The following MAP7D2 variants were observed in gnomAD, a reference collection of about 807,000 sequenced individuals.
MAP7D2 encodes the protein MAP7 domain-containing protein 2.
A neutral mutation model predicts 63.5 loss-of-function variants in MAP7D2; 33 were observed. That is an observed-to-expected ratio of 0.52 (90% CI 0.39 to 0.70). The LOEUF is 0.70. Ranked by LOEUF, MAP7D2 falls within the 30% of genes least tolerant of loss-of-function variation. The probability of loss-of-function intolerance (pLI) is 0.00; values close to 1 mark genes in which losing one functional copy is unlikely to be tolerated. For synonymous variants in MAP7D2, 224 were observed against 223.7 expected, an observed-to-expected ratio of 1.00 and a Z score of -0.01; for missense variants, 626 against 604.0, an observed-to-expected ratio of 1.04 and a Z score of -0.38.
chrX:20,107,804 G>C (rs1166332708), intron 1 of MAP7D2, among the ~76,000 whole-genome samples: 1 of 111,245 alleles, frequency 9.0e-6, no homozygotes, highest in East Asian at 2.8e-4. Flanking sequence ...AGGCCCAGTG[G>C]ATAGTCTTTT....
At chrX:20,022,428 G>A (rs1220832950) in intron 10 of MAP7D2, among the ~76,000 whole-genome samples, 1 of 111,259 alleles carries the variant, frequency 9.0e-6, no homozygotes, top group African/African-American at 3.3e-5. Context: ...AGAAAGGTCA[G>A]TGTGGGCCCA....
At chrX:20,116,584 T>C (rs2066900598) in intron 1 of MAP7D2, 166 bp downstream of exon 1, 1 of 965,043 alleles carries the variant, frequency 1.0e-6, no homozygotes, top group East Asian at 4.4e-5. Flanking sequence ...GGTGCGGCCC[T>C]TGGATGCACG....
At chrX:20,015,104 G>A in intron 12 of MAP7D2, 119 bp downstream of exon 12, 1 of 498,242 alleles carries the variant, frequency 2.0e-6, no homozygotes. Context: ...TTGAACAGTG[G>A]TATCAATGAA....
chrX:20,032,426 G>A (rs1190879963), intron 8 of MAP7D2, among the ~76,000 whole-genome samples: 1 of 110,864 alleles, frequency 9.0e-6, no homozygotes, highest in Non-Finnish European at 1.9e-5. Context: ...TTATGGGAAG[G>A]GCACTTGGCC....
Position 20,056,719 on chromosome X carries a change from A to T in MAP7D2, c.445T>A (p.Trp149Arg). ...GGTCCAATGGCCAGTGGTGCTCCCC[A>T]CGAATACTTCTTTTTCAGCTCCAGC... ...QQLELKKKYS[W>R]GAPLAIGPGG... Residue 149 changes from tryptophan (W) to arginine (R), a missense_variant, in exon 4 of 17, where the codon TGG becomes AGG. By Grantham distance (101) the Trp-to-Arg change is moderately radical. Transcript: ENST00000379643. 1.7e-6 allele frequency: 2 copies of T among 1,211,231 alleles called. No individual in the cohort carries two copies. The highest frequency in any genetic ancestry group is 2.2e-6 in the Non-Finnish European group (2 of 895,302).
At chrX:20,092,673 G>A (rs183378092) in intron 1 of MAP7D2, among the ~76,000 whole-genome samples, 2 of 112,036 alleles carry the variant, frequency 1.8e-5, no homozygotes, top group Admixed American at 1.9e-4. Context: ...AATAAAATGT[G>A]TATGCCTTTT....
chrX:20,065,386 C>A (rs1230793394), intron 1 of MAP7D2, among the ~76,000 whole-genome samples: 1 of 108,866 alleles, frequency 9.2e-6, no homozygotes, highest in Non-Finnish European at 1.9e-5. Flanking sequence ...CCTGCCTCAG[C>A]CTCTCGAGTA....
chrX:20,039,572 T>C, intron 8 of MAP7D2, among the ~76,000 whole-genome samples: 1 of 111,676 alleles, frequency 9.0e-6, no homozygotes. Flanking sequence ...CTGGATTGGA[T>C]TGAAGGATGC....
chrX:20,063,781 C>T (rs908879136), intron 2 of MAP7D2, among the ~76,000 whole-genome samples: 1 of 111,962 alleles, frequency 8.9e-6, no homozygotes, highest in Non-Finnish European at 1.9e-5. Flanking sequence ...CTCTCTGCCT[C>T]GGTTTCCTCC....
At chrX:20,092,741 G>A (rs548381722) in intron 1 of MAP7D2, among the ~76,000 whole-genome samples, 1 of 112,321 alleles carries the variant, frequency 8.9e-6, no homozygotes, top group African/African-American at 3.2e-5. Flanking sequence ...GAGGGCAAAG[G>A]GGAAGTTTCA....
intron 3 of MAP7D2, among the ~76,000 whole-genome samples, chrX:20,057,227 A>C (rs1254840301): frequency 8.9e-6 from 1 of 112,817 alleles, no homozygotes; most frequent in Admixed American, 9.3e-5. Flanking sequence ...TTGGGGTGAT[A>C]CATGACACTG....
chrX:20,111,741 T>C (rs2066749914), intron 1 of MAP7D2, among the ~76,000 whole-genome samples: 1 of 111,848 alleles, frequency 8.9e-6, no homozygotes, highest in Admixed American at 9.5e-5. Flanking sequence ...GTGGACTATA[T>C]GGCATATGAA....
chrX:20,114,664 T>C (rs1168720223), intron 1 of MAP7D2, among the ~76,000 whole-genome samples: 2 of 112,239 alleles, frequency 1.8e-5, no homozygotes, highest in African/African-American at 6.5e-5. Context: ...TTTCCGTCTT[T>C]TACACAGCTC....
chrX:20,082,776 A>C (rs1260413431), intron 1 of MAP7D2, among the ~76,000 whole-genome samples: 1 of 111,541 alleles, frequency 9.0e-6, no homozygotes, highest in Non-Finnish European at 1.9e-5. Context: ...TTACAGGTGC[A>C]CACCACCACA....
chrX:20,066,893 C>T (rs1455369361), intron 1 of MAP7D2, among the ~76,000 whole-genome samples: 1 of 112,135 alleles, frequency 8.9e-6, no homozygotes, highest in Non-Finnish European at 1.9e-5. Flanking sequence ...TATACAGCTC[C>T]GGCCACTGTC....
In MAP7D2 at chrX:20,007,742, T is replaced by TA; in HGVS notation, c.*682dup. On this transcript the variant is annotated 3_prime_UTR_variant, in exon 17 of 17. Transcript: ENST00000379643. ...CTTGCTAGATTCAGTTGCCCATGTA[T>TA]ACACGAATATGCATAAGAGAACAGA... 1 of 112,109 alleles carries TA rather than the reference T, an allele frequency of 8.9e-6. No individual in the cohort carries two copies. Among genetic ancestry groups the TA allele is most frequent in the African/African-American group, 3.2e-5 (1 of 30,845 alleles). The allele number at this position is 112,109 out of a possible 1,213,427, so 9.2% of individuals were successfully genotyped here.
chrX:20,045,484 G>A (rs920206805), intron 6 of MAP7D2, among the ~76,000 whole-genome samples: 2 of 85,637 alleles, frequency 2.3e-5, no homozygotes, highest in African/African-American at 9.4e-5. Flanking sequence ...TCAAGATCGC[G>A]CCACTACACT....
intron 6 of MAP7D2, among the ~76,000 whole-genome samples, chrX:20,047,869 AAG>A (rs2064841270): frequency 1.2e-5 from 1 of 82,881 alleles, no homozygotes; most frequent in Non-Finnish European, 2.1e-5. Flanking sequence ...AAAGAAAAGA[AAG>A]AGAGAAAAAA....
At chrX:20,028,745 T>C (rs976029032) in intron 8 of MAP7D2, among the ~76,000 whole-genome samples, 2 of 111,767 alleles carry the variant, frequency 1.8e-5, no homozygotes, top group Non-Finnish European at 3.8e-5. Context: ...GCACATTATC[T>C]CTCCACTGGA....
Sources: allele counts gnomAD v4.1 joint callset (sites outside exome capture counted in the v4.1 genomes callset), GRCh38; gene constraint gnomAD v4.1.1; transcripts MANE v1.5; gene names NCBI Gene and HGNC (gene_info 2026-07-23, HGNC 2026-07-21).